THSD4: variants seen among roughly 807,000 people sequenced by gnomAD.
THSD4 encodes the protein thrombospondin type-1 domain-containing protein 4.
A neutral mutation model predicts 119.0 loss-of-function variants in THSD4; 69 were observed. The ratio of observed to expected loss-of-function variants is 0.58; its 90% CI spans 0.48 to 0.71. THSD4 has a LOEUF of 0.71. Among genes scored for constraint, THSD4 ranks in the 30% least tolerant of loss-of-function variants. The pLI is 0.00. For synonymous variants in THSD4, 524 were observed against 540.4 expected (o/e 0.97, Z 0.42); for missense variants, 1,393 against 1,391.1 (o/e 1.00, Z -0.02).
chr15:71,380,296 C>T (rs983206828), intron 6 of THSD4, among the ~76,000 whole-genome samples: 6 of 152,022 alleles, frequency 3.9e-5, no homozygotes, highest in Non-Finnish European at 5.9e-5. Flanking sequence ...CACTCTCTGT[C>T]GTCATCATAA....
At chr15:71,257,147 G>A (rs1297899054) in intron 6 of THSD4, among the ~76,000 whole-genome samples, 1 of 152,122 alleles carries the variant, frequency 6.6e-6, no homozygotes, top group Non-Finnish European at 1.5e-5. Flanking sequence ...CTCACCTGTA[G>A]GGGGCCTCAC....
intron 6 of THSD4, among the ~76,000 whole-genome samples, chr15:71,313,046 G>A (rs28398466): frequency 0.33 from 49,712 of 152,006 alleles, 8,230 homozygotes; most frequent in South Asian, 0.52. Context: ...CTTAATGAGT[G>A]TTCATTGGAA....
Position 71,256,613 on chromosome 15 carries a change from G to T in THSD4, c.913G>T (p.Val305Leu). ...GCATATTTAATATCTGCTTTATTAGGTATGTCCAGAAAGCAGTAGAAGTAT... is the reference window on the plus strand; with the variant it reads ...GCATATTTAATATCTGCTTTATTAGTTATGTCCAGAAAGCAGTAGAAGTAT... ...YRQYKLCNTN[V>L]CPESSRSIRE... The change falls in exon 6 of 18, where the codon GTA (valine) becomes TTA (leucine). Residue 305 changes from valine to leucine, a missense_variant and splice_region_variant. By Grantham distance (32) the Val-to-Leu change is conservative. Transcript: ENST00000261862. 4.3e-6 allele frequency: 7 copies of T among 1,613,188 alleles called. No homozygotes were observed. Among genetic ancestry groups the T allele is most frequent in the Non-Finnish European group, 5.9e-6 (7 of 1,179,288 alleles).
chr15:71,239,220 G>T (rs900831487), intron 4 of THSD4, among the ~76,000 whole-genome samples: 3 of 152,152 alleles, frequency 2.0e-5, no homozygotes, highest in Admixed American at 2.0e-4. Context: ...ATGAATACAA[G>T]GCCAGAACTG....
At chr15:71,619,157 A>G (rs2050375277) in intron 7 of THSD4, among the ~76,000 whole-genome samples, 1 of 151,408 alleles carries the variant, frequency 6.6e-6, no homozygotes. Flanking sequence ...TTTTTAGTGG[A>G]GATGGGGTTT....
intron 6 of THSD4, among the ~76,000 whole-genome samples, chr15:71,326,415 G>T (rs539869632): frequency 1.7e-3 from 255 of 151,780 alleles, no homozygotes; most frequent in African/African-American, 5.8e-3. Context: ...GGTGGCTCAT[G>T]CCTGTAATCC....
intron 8 of THSD4, among the ~76,000 whole-genome samples, chr15:71,724,265 G>GGA (rs1170667387): frequency 3.4e-4 from 5 of 14,572 alleles, no homozygotes; most frequent in Non-Finnish European, 6.7e-4. Context: ...CTCTATGATG[G>GGA]GATATATATA....
chr15:71,271,769 A>G (rs945367015), intron 6 of THSD4, among the ~76,000 whole-genome samples: 11 of 152,184 alleles, frequency 7.2e-5, no homozygotes, highest in Admixed American at 7.2e-4. Context: ...ATTGTGAACT[A>G]TTCTAAGGCT....
rs183418241 is a variant in THSD4 at position 71,475,649 on chromosome 15, G to A, written c.1152+63826G>A. Among the ~76,000 whole-genome samples the A allele has an allele frequency of 2.1e-3, 322 of 152,322 alleles. 1 individual carries two copies. The highest frequency in any genetic ancestry group is 3.4e-3 in the Non-Finnish European group (232 of 68,026). ...AAGCATAAAGAAATGGCGGCCAGGC[G>A]TGGTGGCTCATGCCTTTAGTCTTAG... On this transcript the variant is annotated intron_variant, in intron 7 of 17. Transcript: ENST00000261862.
At chr15:71,116,822 T>C (rs1375482346) in intron 1 of THSD4, among the ~76,000 whole-genome samples, 1 of 152,022 alleles carries the variant, frequency 6.6e-6, no homozygotes, top group Non-Finnish European at 1.5e-5. Context: ...ATTAATATTG[T>C]TGGAGGTGAT....
intron 6 of THSD4, among the ~76,000 whole-genome samples, chr15:71,410,159 G>A (rs2046666237): frequency 6.6e-6 from 1 of 152,130 alleles, no homozygotes; most frequent in African/African-American, 2.4e-5. Context: ...ACAAGGGGGA[G>A]AAAAGGCCGA....
intron 1 of THSD4, among the ~76,000 whole-genome samples, chr15:71,097,335 C>A (rs2040234695): frequency 6.6e-6 from 1 of 152,122 alleles, no homozygotes; most frequent in African/African-American, 2.4e-5. Flanking sequence ...GAGGCTGAGA[C>A]GGGTGGATTG....
At chr15:71,161,679 G>GT (rs953472126) in intron 3 of THSD4, among the ~76,000 whole-genome samples, 12 of 149,836 alleles carry the variant, frequency 8.0e-5, no homozygotes, top group East Asian at 3.9e-4. Context: ...GTTGGATCTT[G>GT]TTTTTTTTTA....
At chr15:71,442,660 G>GTGTGTATGTATGTATATA in intron 7 of THSD4, among the ~76,000 whole-genome samples, 1 of 25,812 alleles carries the variant, frequency 3.9e-5, no homozygotes, top group Non-Finnish European at 9.2e-5. Context: ...GTGTGTGTGT[G>GTGTGTATGTATGTATATA]TATATATATA....
At chr15:71,534,454 G>A (rs915603728) in intron 7 of THSD4, among the ~76,000 whole-genome samples, 1 of 152,094 alleles carries the variant, frequency 6.6e-6, no homozygotes, top group African/African-American at 2.4e-5. Context: ...GTCTCATATT[G>A]CATTTGTGTA....
intron 14 of THSD4, among the ~76,000 whole-genome samples, chr15:71,752,432 T>TC (rs1385825028): frequency 1.3e-5 from 2 of 152,240 alleles, no homozygotes; most frequent in Non-Finnish European, 2.9e-5. Flanking sequence ...ACTCTTTCGT[T>TC]CGTTTTGGAA....
intron 15 of THSD4, among the ~76,000 whole-genome samples, chr15:71,761,967 C>G (rs1458807037): frequency 6.6e-6 from 1 of 152,206 alleles, no homozygotes; most frequent in Non-Finnish European, 1.5e-5. Context: ...ATGTCCACCA[C>G]CAATATAGCC....
intron 3 of THSD4, among the ~76,000 whole-genome samples, chr15:71,208,601 C>T (rs989324131): frequency 8.6e-5 from 13 of 151,808 alleles, no homozygotes; most frequent in African/African-American, 2.2e-4. Context: ...AGTCTCTGCC[C>T]CCTGGGCTCA....
At chr15:71,465,891 T>C (rs186441059) in intron 7 of THSD4, among the ~76,000 whole-genome samples, 43 of 152,312 alleles carry the variant, frequency 2.8e-4, no homozygotes, top group African/African-American at 9.6e-4. Context: ...GGGTAGGTCC[T>C]GAAGTTTCCT....
Sources: allele counts gnomAD v4.1 joint callset (sites outside exome capture counted in the v4.1 genomes callset), GRCh38; gene constraint gnomAD v4.1.1; transcripts MANE v1.5; gene names NCBI Gene and HGNC (gene_info 2026-07-23, HGNC 2026-07-21).